Variants in SPOPL observed in about 807,000 individuals in gnomAD.
SPOPL encodes the protein speckle-type POZ protein-like.
SPOPL carries 23 observed loss-of-function variants against 53.8 expected under a neutral mutation model. The observed-to-expected ratio is 0.43, with a 90% CI of 0.31 to 0.61. The LOEUF (loss-of-function observed/expected upper bound fraction) is 0.61. Among genes scored for constraint, SPOPL ranks in the 20% least tolerant of loss-of-function variants. SPOPL has a pLI of 0.12. For synonymous variants in SPOPL, 164 were observed against 149.7 expected (o/e 1.10, Z -0.70); for missense variants, 442 against 466.9 (o/e 0.95, Z 0.49).
At chr2:138,540,504 A>T (rs1036816643) in intron 1 of SPOPL, among the ~76,000 whole-genome samples, 3 of 152,116 alleles carry the variant, frequency 2.0e-5, no homozygotes, top group Admixed American at 1.3e-4. Flanking sequence ...TTCTCTTTGA[A>T]GCAATTATAA....
At chr2:138,562,199 T>C (rs1186291608) in intron 8 of SPOPL, among the ~76,000 whole-genome samples, 1 of 151,914 alleles carries the variant, frequency 6.6e-6, no homozygotes, top group Non-Finnish European at 1.5e-5. Flanking sequence ...CAAGCTGATT[T>C]AAAATTTTAT....
chr2:138,512,338 C>T (rs1333113173), intron 1 of SPOPL, among the ~76,000 whole-genome samples: 1 of 151,992 alleles, frequency 6.6e-6, no homozygotes, highest in East Asian at 1.9e-4. Context: ...CATATTTAGT[C>T]AGAATATTGA....
At chr2:138,529,873 A>T (rs965191498) in intron 1 of SPOPL, among the ~76,000 whole-genome samples, 8 of 151,712 alleles carry the variant, frequency 5.3e-5, no homozygotes, top group Non-Finnish European at 1.0e-4. Context: ...ATATAGGTAA[A>T]CTCCTGTCAT....
chr2:138,518,040 CTG>C (rs1161125491), intron 1 of SPOPL, among the ~76,000 whole-genome samples: 1 of 110,680 alleles, frequency 9.0e-6, no homozygotes, highest in Non-Finnish European at 1.7e-5. Flanking sequence ...AAGAGCGAAA[CTG>C]TCTCAAAAAA....
At chr2:138,559,402 A>G (rs1182378659) in intron 7 of SPOPL, 65 bp downstream of exon 7, 8 of 1,471,262 alleles carry the variant, frequency 5.4e-6, no homozygotes, top group South Asian at 1.3e-5. Context: ...TGTATGTTTT[A>G]AAAGTAATAG....
intron 10 of SPOPL, among the ~76,000 whole-genome samples, chr2:138,565,925 G>A (rs896533755): frequency 5.9e-5 from 9 of 151,942 alleles, no homozygotes; most frequent in African/African-American, 1.7e-4. Context: ...TAGCAGAGAC[G>A]GGTTTTCACC....
At chr2:138,508,515 G>C (rs925339032) in intron 1 of SPOPL, among the ~76,000 whole-genome samples, 1 of 151,994 alleles carries the variant, frequency 6.6e-6, no homozygotes, top group Admixed American at 6.6e-5. Context: ...ATTTTTAGTA[G>C]AGATGGGGTT....
At position 138,569,339 on chromosome 2, in the gene SPOPL, T is replaced by C; in HGVS notation, c.*259T>C. On this transcript the variant is annotated 3_prime_UTR_variant, in exon 11 of 11. Transcript: ENST00000280098. ...GTTCATATAATACTTTAATTTTTTTTTATTGTGCCTTGTCATTTTGACCAA... is the reference window on the plus strand; with the variant it reads ...GTTCATATAATACTTTAATTTTTTTCTATTGTGCCTTGTCATTTTGACCAA... 2.9e-6 allele frequency: 1 copy of C among 348,354 alleles called. No individual in the cohort carries two copies. Among genetic ancestry groups the C allele is most frequent in the South Asian group, 7.1e-5 (1 of 14,152 alleles). The allele number at this position is 348,354 out of a possible 1,614,324, so 21.6% of individuals were successfully genotyped here. A position where few individuals can be genotyped will look rare whatever the true frequency, so the allele number is the denominator to read the frequency against.
At chr2:138,530,471 A>G (rs563621641) in intron 1 of SPOPL, among the ~76,000 whole-genome samples, 1 of 152,232 alleles carries the variant, frequency 6.6e-6, no homozygotes, top group Non-Finnish European at 1.5e-5. Flanking sequence ...AGAATAATGA[A>G]TTTTCTAATT....
chr2:138,520,231 C>T (rs1397975722), intron 1 of SPOPL, among the ~76,000 whole-genome samples: 1 of 152,046 alleles, frequency 6.6e-6, no homozygotes, highest in African/African-American at 2.4e-5. Context: ...TTTCTGATTC[C>T]TTCTGTCTTT....
At chr2:138,541,936 G>T (rs1558872658) in intron 1 of SPOPL, among the ~76,000 whole-genome samples, 1 of 152,038 alleles carries the variant, frequency 6.6e-6, no homozygotes. Flanking sequence ...GGTATGTTGT[G>T]TCTTTGTTCT....
chr2:138,559,879 A>T (rs1055272189), intron 7 of SPOPL, among the ~76,000 whole-genome samples: 1 of 152,192 alleles, frequency 6.6e-6, no homozygotes, highest in Admixed American at 6.5e-5. Context: ...GTAGGGCTCC[A>T]GCTGGACAAC....
At chr2:138,518,597 T>G in intron 1 of SPOPL, among the ~76,000 whole-genome samples, 1 of 152,180 alleles carries the variant, frequency 6.6e-6, no homozygotes, top group East Asian at 1.9e-4. Flanking sequence ...AACAGCCAAA[T>G]CAAGATATAG....
At chr2:138,544,051 A>G (rs924550349) in intron 1 of SPOPL, among the ~76,000 whole-genome samples, 1 of 152,124 alleles carries the variant, frequency 6.6e-6, no homozygotes, top group African/African-American at 2.4e-5. Flanking sequence ...AACAGCGGAT[A>G]TTGGTGAACA....
intron 10 of SPOPL, among the ~76,000 whole-genome samples, chr2:138,567,514 C>T (rs1685690341): frequency 6.6e-6 from 1 of 150,646 alleles, no homozygotes; most frequent in South Asian, 2.1e-4. Context: ...TGTAAAATAA[C>T]ATTAGAATTT....
At chr2:138,525,969 A>G (rs1684666662) in intron 1 of SPOPL, among the ~76,000 whole-genome samples, 2 of 152,160 alleles carry the variant, frequency 1.3e-5, no homozygotes, top group African/African-American at 2.4e-5. Flanking sequence ...AGTGATTTCT[A>G]TAATGTTCTA....
At position 138,569,169 on chromosome 2, in the gene SPOPL, G is replaced by T. The variant is rs1685728513; in HGVS notation, c.*89G>T. 4 of 1,420,184 alleles carry T rather than the reference G, an allele frequency of 2.8e-6. No individual in the cohort carries two copies. The highest frequency in any genetic ancestry group is 3.8e-6 in the Non-Finnish European group (4 of 1,041,082). 88.0% of individuals were successfully genotyped at this position (1,420,184 alleles called of 1,614,324 possible). On this transcript the variant is annotated 3_prime_UTR_variant, in exon 11 of 11. Coordinates refer to ENST00000280098, the MANE Select transcript of SPOPL (RefSeq NM_001001664.3). ...AATACACAAACCATAAGCAAGAGTT[G>T]TTTCTGTTATTTTGTCCACAGAACA...
intron 8 of SPOPL, among the ~76,000 whole-genome samples, chr2:138,562,229 A>C (rs1685565022): frequency 6.6e-6 from 1 of 151,994 alleles, no homozygotes; most frequent in South Asian, 2.1e-4. Context: ...TTTGGGGAAA[A>C]AAAGAATAAA....
Position 138,569,175 on chromosome 2 carries a change from G to C in SPOPL, c.*95G>C. On this transcript the variant is annotated 3_prime_UTR_variant, in exon 11 of 11. Transcript: ENST00000280098. The stretch of plus-strand genomic sequence containing the variant: ...CAAACCATAAGCAAGAGTTGTTTCT[G>C]TTATTTTGTCCACAGAACAGAAGCT... 7.2e-7 allele frequency: 1 copy of C among 1,386,570 alleles called. No homozygotes were observed. Among genetic ancestry groups the C allele is most frequent in the Non-Finnish European group, 9.9e-7 (1 of 1,012,378 alleles). The allele number at this position is 1,386,570 out of a possible 1,614,324, so 85.9% of individuals were successfully genotyped here. A position where few individuals can be genotyped will look rare whatever the true frequency, so the allele number is the denominator to read the frequency against.
Sources: allele counts gnomAD v4.1 joint callset (sites outside exome capture counted in the v4.1 genomes callset), GRCh38; gene constraint gnomAD v4.1.1; transcripts MANE v1.5; gene names NCBI Gene and HGNC (gene_info 2026-07-23, HGNC 2026-07-21).